Variants in SEC24C observed in about 807,000 individuals in gnomAD.
SEC24C encodes SEC24 homolog C, COPII component, also known as protein transport protein Sec24C.
In SEC24C, 22 loss-of-function variants were observed where a neutral mutation model predicts 117.0. The observed-to-expected ratio is 0.19, with a 90% CI of 0.13 to 0.27. The LOEUF (loss-of-function observed/expected upper bound fraction) is 0.27. Ranked by LOEUF, SEC24C falls within the 10% of genes least tolerant of loss-of-function variation. SEC24C has a pLI of 1.00. For missense variants in SEC24C, 1,155 were observed against 1,375.1 expected, an observed-to-expected ratio of 0.84 and a Z score of 2.53; for synonymous variants, 506 against 529.4, an observed-to-expected ratio of 0.96 and a Z score of 0.61.
chr10:73,761,092 G>A (rs2082789936), intron 6 of SEC24C, among the ~76,000 whole-genome samples: 2 of 152,194 alleles, frequency 1.3e-5, no homozygotes, highest in South Asian at 4.1e-4. Flanking sequence ...AGCAGCACCA[G>A]TAGATGTCTG....
chr10:73,767,275 A>G, intron 14 of SEC24C, 105 bp downstream of exon 14: 1 of 729,644 alleles, frequency 1.4e-6, no homozygotes, highest in South Asian at 1.7e-5. Flanking sequence ...ACCCTTTCAA[A>G]TACCATATCT....
chr10:73,769,383 C>T lies in SEC24C; in HGVS notation c.2461C>T (p.Arg821Trp). Reference protein sequence around the residue: ...LLYTSCAGQRRLRIHNLALNC... With the variant: ...LLYTSCAGQRWLRIHNLALNC... ...TTACACCAGCTGTGCAGGGCAGCGT[C>T]GGCTCCGCATCCATAATCTGGCCCT... The change falls in exon 18 of 23, where the codon CGG becomes TGG. Residue 821 changes from arginine (R) to tryptophan (W), a missense_variant. Transcript: ENST00000345254. This position sits in a 1 kb window ranked among gnomAD's most constrained non-coding sequence, Gnocchi z 4.5. 6.2e-7 allele frequency: 1 copy of T among 1,614,034 alleles called. No individual in the cohort carries two copies. The highest frequency in any genetic ancestry group is 8.5e-7 in the Non-Finnish European group (1 of 1,179,984).
intron 2 of SEC24C, among the ~76,000 whole-genome samples, chr10:73,750,054 G>A (rs1445655846): frequency 6.6e-6 from 1 of 152,172 alleles, no homozygotes; most frequent in Non-Finnish European, 1.5e-5. Context: ...TTTTAACTGT[G>A]GGGAAAAAAT....
chr10:73,749,756 C>G (rs2082618492), intron 2 of SEC24C, among the ~76,000 whole-genome samples: 1 of 152,044 alleles, frequency 6.6e-6, no homozygotes, highest in African/African-American at 2.4e-5. Context: ...GTTGGCCAGG[C>G]TGGTCTCGAA....
chr10:73,764,523 C>CAA (rs113069953), intron 8 of SEC24C, among the ~76,000 whole-genome samples: 15 of 75,664 alleles, frequency 2.0e-4, no homozygotes, highest in Middle Eastern at 7.0e-3. Context: ...GACTCTGTCT[C>CAA]AAAAAAAAAA....
rs1298448145 is a variant in SEC24C, at chr10:73,768,754, C to T, written c.2182-56C>T. The T allele has an allele frequency of 1.9e-6, 3 of 1,546,588 alleles. No homozygotes were observed. The East Asian group carries it at 6.7e-5, about 35-fold the overall frequency. On this transcript the variant is annotated intron_variant, in intron 15 of 22. Coordinates refer to ENST00000345254, the MANE Select transcript of SEC24C (RefSeq NM_198597.3). ...AGTGGAAGGGGTACAGGGAGATTGT[C>T]TGCACGATGAGCTATGTCTAGTCAG...
rs1315772301 is a variant in SEC24C at position 73,765,847 on chromosome 10, G to A, written c.1414G>A (p.Asp472Asn). The change falls in exon 10 of 23, where the codon GAT becomes AAT. Residue 472 changes from aspartate (D) to asparagine (N), a missense_variant. This residue lies in a region of SEC24C where 759 missense variants were observed against 992.3 expected (regional missense o/e 0.76). Coordinates refer to ENST00000345254, the MANE Select transcript of SEC24C (RefSeq NM_198597.3). ...CCTGGATCATACCGGCAAACGTGTGGATGCTTATGACCGCCCTGAGCTATC... is the reference window on the plus strand; with the variant it reads ...CCTGGATCATACCGGCAAACGTGTGAATGCTTATGACCGCCCTGAGCTATC... ...QHLDHTGKRV[D>N]AYDRPELSLG... 1 of 1,614,124 alleles carries A rather than the reference G, an allele frequency of 6.2e-7. No homozygotes were observed. Among genetic ancestry groups the A allele is most frequent in the Non-Finnish European group, 8.5e-7 (1 of 1,180,004 alleles).
At chr10:73,770,230 G>A (rs2082953477) in intron 20 of SEC24C, 50 bp from the exon 21 acceptor site, 1 of 1,531,848 alleles carries the variant, frequency 6.5e-7, no homozygotes, top group Non-Finnish European at 8.8e-7. Flanking sequence ...CGGGGGGGCA[G>A]ACTTGTCTTA....
chr10:73,768,760 G>T, intron 15 of SEC24C, 50 bp from the exon 16 acceptor site: 1 of 1,573,004 alleles, frequency 6.4e-7, no homozygotes, highest in South Asian at 1.1e-5. Context: ...TTGTCTGCAC[G>T]ATGAGCTATG....
Position 73,769,406 on chromosome 10 carries a change from C to T in SEC24C, c.2484C>T (p.Ala828=). Residue 828 remains alanine (A), a synonymous_variant, in exon 18 of 23, where the codon GCC becomes GCT. Transcript: ENST00000345254. The surrounding 1 kb of genome is among the most constrained non-coding windows in gnomAD (Gnocchi z 4.5). ...GQRRLRIHNL[A]LNCCTQLADL... ...GTCGGCTCCGCATCCATAATCTGGC[C>T]CTGAACTGCTGCACCCAGCTGGCTG... 6 of 1,614,124 alleles carry T rather than the reference C, an allele frequency of 3.7e-6. No individual in the cohort carries two copies. The highest frequency in any genetic ancestry group is 5.1e-6 in the Non-Finnish European group (6 of 1,180,020).
intron 8 of SEC24C, 152 bp from the exon 9 acceptor site, chr10:73,765,299 C>G (rs946361651): frequency 6.6e-6 from 5 of 752,088 alleles, no homozygotes; most frequent in African/African-American, 1.7e-5. Flanking sequence ...TGTGATTTGT[C>G]TTTACTCCCT....
chr10:73,757,517 TAAA>T (rs755487856), intron 3 of SEC24C, among the ~76,000 whole-genome samples: 1 of 111,708 alleles, frequency 9.0e-6, no homozygotes, highest in Admixed American at 8.9e-5. Flanking sequence ...TCTCAAAAAC[TAAA>T]AAAAAAAAAA....
rs534684840 is a variant in SEC24C at position 73,747,141 on chromosome 10, A to G, written c.172+137A>G. On this transcript the variant is annotated intron_variant, in intron 2 of 22. Transcript: ENST00000345254. ...GAGGAACATAAATCTGGCCCTGTGTAGCTGAGAGCCCCGTGGGCGCCCTTC... is the reference window on the plus strand; with the variant it reads ...GAGGAACATAAATCTGGCCCTGTGTGGCTGAGAGCCCCGTGGGCGCCCTTC... 2.5e-5 allele frequency: 18 copies of G among 706,372 alleles called. No individual in the cohort carries two copies. The African/African-American group carries it at 3.3e-4, about 13-fold the overall frequency. 43.8% of individuals were successfully genotyped at this position (706,372 alleles called of 1,614,324 possible). A position where few individuals can be genotyped will look rare whatever the true frequency, so the allele number is the denominator to read the frequency against.
chr10:73,759,850 C>T, intron 4 of SEC24C, 56 bp downstream of exon 4: 6 of 1,501,338 alleles, frequency 4.0e-6, no homozygotes, highest in Non-Finnish European at 5.3e-6. Flanking sequence ...GCATCAGACT[C>T]TGGGGTTATA....
At chr10:73,750,994 T>C (rs2082634471) in intron 2 of SEC24C, 114 bp from the exon 3 acceptor site, 2 of 1,106,732 alleles carry the variant, frequency 1.8e-6, no homozygotes, top group Non-Finnish European at 2.6e-6. Flanking sequence ...CTGCCTAAAC[T>C]GTGGTATTGG....
In SEC24C at chr10:73,759,726, C is replaced by T. The variant is rs756268478; in HGVS notation, c.413C>T (p.Thr138Met). The change falls in exon 4 of 23, where the codon ACG becomes ATG. Residue 138 changes from threonine to methionine, a missense_variant. By Grantham distance (81) the Thr-to-Met change is moderately conservative (BLOSUM62 -1). Transcript: ENST00000345254. Reference sequence around the variant, plus strand: ...CCCCCGACAAGTGCACAGGTGGCTACGCAGCTGTCTGGAATGCAGATCAGC... The same window carrying T: ...CCCCCGACAAGTGCACAGGTGGCTATGCAGCTGTCTGGAATGCAGATCAGC... The part of the protein sequence containing the change: ...GPPPTSAQVA[T>M]QLSGMQISGA... 1.1e-5 allele frequency: 17 copies of T among 1,610,380 alleles called. No individual in the cohort carries two copies. Among genetic ancestry groups the T allele is most frequent in the East Asian group, 4.5e-5 (2 of 44,714 alleles).
chr10:73,760,900 G>A (rs1319854867), intron 6 of SEC24C, 51 bp downstream of exon 6: 7 of 1,530,244 alleles, frequency 4.6e-6, no homozygotes, highest in Non-Finnish European at 6.2e-6. Context: ...CTGCCAGATA[G>A]GCAGGTCAAT....
At chr10:73,761,234 T>G (rs1048348371) in intron 6 of SEC24C, among the ~76,000 whole-genome samples, 6 of 152,196 alleles carry the variant, frequency 3.9e-5, no homozygotes, top group African/African-American at 1.4e-4. Context: ...CAGGTGGGAA[T>G]TCTCTGATGT....
chr10:73,772,032 G>T lies in SEC24C; in HGVS notation c.*937G>T. ...GGCTTGGGGGCAGGACAAGGGCTAGGCTTGATGGTGGCCAGGCTTGCCTGC... is the reference window on the plus strand; with the variant it reads ...GGCTTGGGGGCAGGACAAGGGCTAGTCTTGATGGTGGCCAGGCTTGCCTGC... On this transcript the variant is annotated 3_prime_UTR_variant, in exon 23 of 23. Transcript: ENST00000345254. The T allele has an allele frequency of 3.1e-6, 1 of 327,392 alleles. No homozygotes were observed. Among genetic ancestry groups the T allele is most frequent in the Non-Finnish European group, 5.6e-6 (1 of 179,774 alleles). 20.3% of individuals were successfully genotyped at this position (327,392 alleles called of 1,614,324 possible). A position where few individuals can be genotyped will look rare whatever the true frequency, so the allele number is the denominator to read the frequency against.
Sources: allele counts gnomAD v4.1 joint callset (sites outside exome capture counted in the v4.1 genomes callset), GRCh38; gene constraint gnomAD v4.1.1; regional missense constraint gnomAD v4.1.1; non-coding constraint Gnocchi (gnomAD v3.1); transcripts MANE v1.5; gene names NCBI Gene and HGNC (gene_info 2026-07-23, HGNC 2026-07-21).